GNA11: variants seen among roughly 807,000 people sequenced by gnomAD.
GNA11 encodes G protein subunit alpha 11.
A neutral mutation model predicts 38.2 loss-of-function variants in GNA11; 8 were observed. The ratio of observed to expected loss-of-function variants is 0.21; its 90% CI spans 0.12 to 0.38. GNA11 has a LOEUF of 0.38. GNA11 is among the 10% of genes least tolerant of loss of function. The pLI, the probability that GNA11 is intolerant of heterozygous loss-of-function variation, is 1.00. For synonymous variants in GNA11, 211 were observed against 221.4 expected (o/e 0.95, Z 0.42); for missense variants, 268 against 516.3 (o/e 0.52, Z 4.66).
At position 3,118,870 on chromosome 19, in the gene GNA11, C is replaced by T. The variant is rs1913991449; in HGVS notation, c.606-54C>T. 4.4e-6 allele frequency: 7 copies of T among 1,575,456 alleles called. No homozygotes were observed. The Admixed American group carries it at 6.7e-5, about 15-fold the overall frequency. ...TTGGGTGGGAGCCGTCCTGGGATTG[C>T]AGATTGGGCCTTGGGGCGCCAGGTG... On this transcript the variant is annotated intron_variant, in intron 4 of 6. Coordinates refer to ENST00000078429, the MANE Select transcript of GNA11 (RefSeq NM_002067.5).
chr19:3,095,361 G>A (rs1228324259), intron 1 of GNA11, among the ~76,000 whole-genome samples: 1 of 152,004 alleles, frequency 6.6e-6, no homozygotes, highest in East Asian at 1.9e-4. Flanking sequence ...TTACCCCACC[G>A]GAGTACCCAC....
rs1469750647 is a variant in GNA11 at position 3,121,588 on chromosome 19, C to T, written c.*409C>T. The stretch of plus-strand genomic sequence containing the variant: ...TGGGGCCCCGCCCTGCAGCCAGTCA[C>T]GCGCCCCCACACCGCAGCCCCCCGT... On this transcript the variant is annotated 3_prime_UTR_variant, in exon 7 of 7. Transcript: ENST00000078429. 3.0e-5 allele frequency: 7 copies of T among 234,714 alleles called. No homozygotes were observed. Among genetic ancestry groups the T allele is most frequent in the East Asian group, 1.2e-4 (2 of 16,582 alleles). 14.5% of individuals were successfully genotyped at this position (234,714 alleles called of 1,614,324 possible).
In GNA11 at chr19:3,121,940, A is replaced by C. The variant is rs985003890; in HGVS notation, c.*761A>C. The C allele has an allele frequency of 4.3e-6, 1 of 232,906 alleles. No individual in the cohort carries two copies. The highest frequency in any genetic ancestry group is 2.2e-5 in the African/African-American group (1 of 45,316). 14.4% of individuals were successfully genotyped at this position (232,906 alleles called of 1,614,324 possible). On this transcript the variant is annotated 3_prime_UTR_variant, in exon 7 of 7. Coordinates refer to ENST00000078429, the MANE Select transcript of GNA11 (RefSeq NM_002067.5). ...GGCCGGGTTCCCCGTCCCTCTGCAG[A>C]GGCTGGGAAGGGTCCCCGGGCTGGA...
chr19:3,113,728 C>T (rs988262917), intron 3 of GNA11, among the ~76,000 whole-genome samples: 4 of 152,224 alleles, frequency 2.6e-5, no homozygotes, highest in Non-Finnish European at 5.9e-5. Context: ...CTGGCCCTGC[C>T]GCTGCCCTCC....
intron 4 of GNA11, chr19:3,118,066 C>T (rs56269545): frequency 0.21 from 31,360 of 152,158 alleles, 3,597 homozygotes; most frequent in East Asian, 0.41. Flanking sequence ...CCACCGGTGC[C>T]TGCTGGACTC....
At chr19:3,108,000 G>A (rs1045259783) in intron 1 of GNA11, among the ~76,000 whole-genome samples, 1 of 152,180 alleles carries the variant, frequency 6.6e-6, no homozygotes, top group Non-Finnish European at 1.5e-5. Context: ...GCTGAGAGGT[G>A]GATTACTACC....
rs373040561 is a variant in GNA11, at chr19:3,113,725, T to C, written c.476+241T>C. On this transcript the variant is annotated intron_variant, in intron 3 of 6. Coordinates refer to ENST00000078429, the MANE Select transcript of GNA11 (RefSeq NM_002067.5). ...ACTGGCCTGCTTGTATGCCTGGCCC[T>C]GCCGCTGCCCTCCCTGGGTCAGGAG... Among the ~76,000 whole-genome samples the C allele has an allele frequency of 2.6e-5, 4 of 152,168 alleles. No homozygotes were observed. The East Asian group carries it at 7.7e-4, about 29-fold the overall frequency.
rs1914054828 is a variant in GNA11, at chr19:3,120,880, G to A, written c.890-109G>A. The A allele has an allele frequency of 6.8e-6, 5 of 737,454 alleles. No individual in the cohort carries two copies. The highest frequency in any genetic ancestry group is 2.7e-5 in the East Asian group (1 of 37,338). 45.7% of individuals were successfully genotyped at this position (737,454 alleles called of 1,614,324 possible). A position where few individuals can be genotyped will look rare whatever the true frequency, so the allele number is the denominator to read the frequency against. On this transcript the variant is annotated intron_variant, in intron 6 of 6. Transcript: ENST00000078429. This position sits in a 1 kb window ranked among gnomAD's most constrained non-coding sequence, Gnocchi z 5.9. The stretch of plus-strand genomic sequence containing the variant: ...ATGCAGTGGGCTGGGGGTCGAGCTG[G>A]GTGGGCCGTGGGCCTTACTCGCTCA...
At chr19:3,095,048 G>T (rs1913331080) in intron 1 of GNA11, among the ~76,000 whole-genome samples, 1 of 151,760 alleles carries the variant, frequency 6.6e-6, no homozygotes, top group Admixed American at 6.6e-5. Flanking sequence ...GTGTCGTCTG[G>T]GTCGGCTCGG....
Position 3,110,207 on chromosome 19 carries a change from C to T in GNA11, c.195C>T (p.Ala65=), listed in dbSNP as rs576887084. ...FIKQMRIIHG[A]GYSEEDKRGF... ...AGCAGATGCGCATCATCCACGGCGC[C>T]GGCTACTCGGAGGAGGACAAGCGCG... The change falls in exon 2 of 7, where the codon GCC becomes GCT. Residue 65 remains alanine (A), a synonymous_variant. Coordinates refer to ENST00000078429, the MANE Select transcript of GNA11 (RefSeq NM_002067.5). The surrounding 1 kb of genome is among the most constrained non-coding windows in gnomAD (Gnocchi z 5.4). 66 of 1,613,648 alleles carry T rather than the reference C, an allele frequency of 4.1e-5. No individual in the cohort carries two copies. Among genetic ancestry groups the T allele is most frequent in the South Asian group, 2.1e-4 (19 of 91,042 alleles).
Position 3,110,118 on chromosome 19 carries a change from G to A in GNA11, c.137-31G>A. On this transcript the variant is annotated intron_variant, in intron 1 of 6. Transcript: ENST00000078429. This position sits in a 1 kb window ranked among gnomAD's most constrained non-coding sequence, Gnocchi z 5.4. ...GCAGCACGAGAGTCAGGCCCCGGCT[G>A]CCGCCCGCCCTCACGTGCCCCGTCC... is the stretch of plus-strand genomic sequence containing the variant. The A allele has an allele frequency of 6.4e-7, 1 of 1,555,432 alleles. No individual in the cohort carries two copies. Among genetic ancestry groups the A allele is most frequent in the Non-Finnish European group, 8.7e-7 (1 of 1,146,326 alleles).
At chr19:3,117,788 C>T (rs926953491) in intron 4 of GNA11, 8 of 152,360 alleles carry the variant, frequency 5.3e-5, no homozygotes, top group African/African-American at 1.7e-4. Context: ...GGCAGAGGGC[C>T]GGCCAGGTGC....
chr19:3,115,183 C>A, intron 4 of GNA11, 111 bp downstream of exon 4: 1 of 1,271,914 alleles, frequency 7.9e-7, no homozygotes, highest in Non-Finnish European at 1.1e-6. Context: ...GCGGGAGGAT[C>A]GCCTGAGTCC....
chr19:3,095,131 C>A (rs1278198867), intron 1 of GNA11, among the ~76,000 whole-genome samples: 2 of 152,008 alleles, frequency 1.3e-5, no homozygotes, highest in Non-Finnish European at 1.5e-5. Flanking sequence ...GCTGCGGGCC[C>A]CTGATTTCTT....
rs749233757 is a variant in GNA11, at chr19:3,113,494, G to C, written c.476+10G>C. On this transcript the variant is annotated intron_variant, in intron 3 of 6. Transcript: ENST00000078429. ...CCGACTCTGCCAAGTAGTAAGTGCG[G>C]CCGCACCGCTGGCGGCCTGGGGACG... 6.4e-7 allele frequency: 1 copy of C among 1,563,688 alleles called. No homozygotes were observed. Among genetic ancestry groups the C allele is most frequent in the Non-Finnish European group, 8.7e-7 (1 of 1,153,788 alleles).
intron 1 of GNA11, among the ~76,000 whole-genome samples, chr19:3,107,435 G>A (rs905647870): frequency 1.3e-5 from 2 of 152,190 alleles, no homozygotes; most frequent in Non-Finnish European, 2.9e-5. Flanking sequence ...TTACCAAGGG[G>A]CGGCGCCTTC....
At chr19:3,109,684 G>A (rs1913723229) in intron 1 of GNA11, among the ~76,000 whole-genome samples, 1 of 152,204 alleles carries the variant, frequency 6.6e-6, no homozygotes, top group South Asian at 2.1e-4. Flanking sequence ...CCCTTGGGGT[G>A]GTCTGTGCAG....
chr19:3,102,165 C>T (rs904712075), intron 1 of GNA11, among the ~76,000 whole-genome samples: 9 of 152,084 alleles, frequency 5.9e-5, no homozygotes, highest in Non-Finnish European at 1.2e-4. Flanking sequence ...TGAGTGACAC[C>T]ATCCGCTTCC....
intron 1 of GNA11, among the ~76,000 whole-genome samples, chr19:3,107,228 T>C (rs572201895): frequency 1.3e-5 from 2 of 152,212 alleles, no homozygotes; most frequent in Non-Finnish European, 1.5e-5. Flanking sequence ...AGAGCAAGAC[T>C]CCATCTGAAA....
Sources: allele counts gnomAD v4.1 joint callset (sites outside exome capture counted in the v4.1 genomes callset), GRCh38; gene constraint gnomAD v4.1.1; non-coding constraint Gnocchi (gnomAD v3.1); transcripts MANE v1.5; gene names NCBI Gene and HGNC (gene_info 2026-07-23, HGNC 2026-07-21).